Variants in CMSS1 observed in about 807,000 individuals in gnomAD.
CMSS1 encodes cms1 ribosomal small subunit homolog.
CMSS1 carries 33 observed loss-of-function variants against 43.5 expected under a neutral mutation model. That is an observed-to-expected ratio of 0.76 (90% CI 0.57 to 1.01). The LOEUF is 1.01. Ranked by LOEUF, CMSS1 falls within the 50% of genes least tolerant of loss-of-function variation. CMSS1 has a pLI of 0.00. For synonymous variants in CMSS1, 115 were observed against 117.2 expected, an observed-to-expected ratio of 0.98 and a Z score of 0.12; for missense variants, 313 against 326.4, an observed-to-expected ratio of 0.96 and a Z score of 0.32.
intron 1 of CMSS1, among the ~76,000 whole-genome samples, chr3:99,828,408 T>G (rs1035937958): frequency 1.1e-4 from 3 of 26,386 alleles, no homozygotes; most frequent in African/African-American, 1.5e-4. Context: ...TGTACATACG[T>G]GTATTTTTTT....
At chr3:99,899,370 A>G (rs1047687687) in intron 1 of CMSS1, among the ~76,000 whole-genome samples, 1 of 152,134 alleles carries the variant, frequency 6.6e-6, no homozygotes, top group Non-Finnish European at 1.5e-5. Context: ...CTTAATGAGC[A>G]TAACTAATGC....
chr3:100,083,379 G>C (rs528614020), intron 1 of CMSS1, among the ~76,000 whole-genome samples: 1 of 152,330 alleles, frequency 6.6e-6, no homozygotes, highest in Admixed American at 6.5e-5. Context: ...CTGGGAACTT[G>C]CAAGACATGA....
At chr3:99,916,437 TACACACACACACACACAC>T (rs10529210) in intron 1 of CMSS1, among the ~76,000 whole-genome samples, 44 of 137,068 alleles carry the variant, frequency 3.2e-4, no homozygotes, top group South Asian at 1.0e-3. Context: ...TAACGGTTTA[TACACACACACACACACAC>T]ACACACACAC....
chr3:99,929,368 C>A (rs1485755776), intron 1 of CMSS1, among the ~76,000 whole-genome samples: 1 of 152,200 alleles, frequency 6.6e-6, no homozygotes, highest in Non-Finnish European at 1.5e-5. Flanking sequence ...TTTTTAAAAA[C>A]TCTATTTCTT....
chr3:99,871,626 T>C (rs1030692839), intron 1 of CMSS1, among the ~76,000 whole-genome samples: 7 of 152,324 alleles, frequency 4.6e-5, no homozygotes, highest in Non-Finnish European at 8.8e-5. Context: ...GGAGGTTGTT[T>C]TGAAGGCATT....
intron 2 of CMSS1, among the ~76,000 whole-genome samples, chr3:100,147,465 G>A (rs2066863910): frequency 6.6e-6 from 1 of 151,676 alleles, no homozygotes; most frequent in African/African-American, 2.4e-5. Context: ...TAGAGATGAG[G>A]TTTCTCTGTG....
At chr3:99,829,850 G>C (rs984191569) in intron 1 of CMSS1, among the ~76,000 whole-genome samples, 13 of 152,146 alleles carry the variant, frequency 8.5e-5, no homozygotes, top group Admixed American at 7.9e-4. Flanking sequence ...ATATTCGGCT[G>C]TTATTCACTT....
intron 1 of CMSS1, among the ~76,000 whole-genome samples, chr3:100,072,686 A>G (rs1390846577): frequency 6.6e-6 from 1 of 152,218 alleles, no homozygotes; most frequent in African/African-American, 2.4e-5. Flanking sequence ...TTGCTTGAAC[A>G]CAGCTGAAAT....
chr3:99,965,438 C>A (rs1434024970), intron 1 of CMSS1, among the ~76,000 whole-genome samples: 1 of 152,224 alleles, frequency 6.6e-6, no homozygotes, highest in Non-Finnish European at 1.5e-5. Flanking sequence ...GCATGTTCTT[C>A]AAGGTCATGA....
At chr3:100,142,635 G>C (rs2066814483) in intron 1 of CMSS1, among the ~76,000 whole-genome samples, 1 of 152,116 alleles carries the variant, frequency 6.6e-6, no homozygotes, top group African/African-American at 2.4e-5. Flanking sequence ...CTGAAGAATG[G>C]AGGAATACAG....
intron 1 of CMSS1, chr3:99,964,217 A>G (rs1708577676): frequency 1.3e-5 from 2 of 152,264 alleles, no homozygotes; most frequent in African/African-American, 4.8e-5. Context: ...GTTAGATTTA[A>G]TTTTTATTTA....
chr3:99,976,772 C>A (rs1708984800), intron 1 of CMSS1, among the ~76,000 whole-genome samples: 1 of 151,992 alleles, frequency 6.6e-6, no homozygotes, highest in African/African-American at 2.4e-5. Context: ...GTTTCTTGGA[C>A]CTGTGGTTTG....
intron 6 of CMSS1, among the ~76,000 whole-genome samples, chr3:100,169,880 G>C (rs1312626748): frequency 6.6e-6 from 1 of 152,072 alleles, no homozygotes; most frequent in South Asian, 2.1e-4. Context: ...CTATCAAATT[G>C]ATTTGAACTT....
At chr3:99,925,230 G>A (rs1211271252) in intron 1 of CMSS1, among the ~76,000 whole-genome samples, 1 of 152,144 alleles carries the variant, frequency 6.6e-6, no homozygotes, top group Non-Finnish European at 1.5e-5. Context: ...TCTATTATGT[G>A]TTGGTGTATA....
At chr3:100,070,394 A>G (rs1005660189) in intron 1 of CMSS1, among the ~76,000 whole-genome samples, 5 of 152,200 alleles carry the variant, frequency 3.3e-5, no homozygotes, top group Non-Finnish European at 7.3e-5. Context: ...AGAAAATTTT[A>G]TACTAGTGCC....
chr3:100,181,419 A>G lies in CMSS1; in HGVS notation c.*3031A>G, dbSNP rs1322340308. 6.6e-6 allele frequency: 1 copy of G among 152,236 alleles called. No homozygotes were observed. The highest frequency in any genetic ancestry group is 6.5e-5 in the Admixed American group (1 of 15,276). The allele number at this position is 152,236 out of a possible 1,614,324, so 9.4% of individuals were successfully genotyped here. ...ATTCTTGTATAACCATAATAGAGTT[A>G]TCAAAACTAAGAAGTCATCACTGGT... On this transcript the variant is annotated 3_prime_UTR_variant, in exon 10 of 10. Transcript: ENST00000421999.
chr3:100,106,264 T>A (rs920667041), intron 1 of CMSS1, among the ~76,000 whole-genome samples: 1 of 152,118 alleles, frequency 6.6e-6, no homozygotes, highest in Non-Finnish European at 1.5e-5. Flanking sequence ...TGGAATACTC[T>A]CCAGGGATTT....
At chr3:100,155,273 G>C (rs1214868489) in intron 2 of CMSS1, among the ~76,000 whole-genome samples, 4 of 152,116 alleles carry the variant, frequency 2.6e-5, no homozygotes, top group Admixed American at 1.3e-4. Context: ...TGGAAATATT[G>C]TTCAACACTG....
chr3:99,898,921 C>A (rs1427095564), intron 1 of CMSS1, among the ~76,000 whole-genome samples: 1 of 152,002 alleles, frequency 6.6e-6, no homozygotes, highest in Admixed American at 6.6e-5. Flanking sequence ...AAGCTCTAAT[C>A]GAAGTTTAGC....
Sources: gnomAD v4.1 joint callset for allele counts (sites outside exome capture counted in the v4.1 genomes callset) on GRCh38, gnomAD v4.1.1 for gene constraint, MANE v1.5 for transcripts, NCBI Gene and HGNC (gene_info 2026-07-23, HGNC 2026-07-21) for gene names.